ARHGAP42: variants seen among roughly 807,000 people sequenced by gnomAD.
ARHGAP42 encodes the protein Rho GTPase activating protein 42.
A neutral mutation model predicts 125.0 loss-of-function variants in ARHGAP42; 63 were observed. That is an observed-to-expected ratio of 0.50 (90% CI 0.41 to 0.62). The LOEUF (loss-of-function observed/expected upper bound fraction) is 0.62. Among genes scored for constraint, ARHGAP42 ranks in the 20% least tolerant of loss-of-function variants. The probability of loss-of-function intolerance (pLI) is 0.00; values close to 1 mark genes in which losing one functional copy is unlikely to be tolerated. For synonymous variants in ARHGAP42, 339 were observed against 351.0 expected (o/e 0.97, Z 0.38); for missense variants, 766 against 1,024.2 (o/e 0.75, Z 3.44).
chr11:100,840,062 A>G (rs1026919928), intron 3 of ARHGAP42: 2 of 152,204 alleles, frequency 1.3e-5, no homozygotes, highest in Non-Finnish European at 2.9e-5. Context: ...TTCAAATTAA[A>G]TCATATCTAG....
chr11:100,960,008 TCA>T (rs762380661), intron 13 of ARHGAP42, 63 bp downstream of exon 13: 29 of 1,371,396 alleles, frequency 2.1e-5, no homozygotes, highest in Non-Finnish European at 2.8e-5. Flanking sequence ...TGGAAAACTC[TCA>T]GAGTAGATAA....
At chr11:100,924,084 T>G (rs531661489) in intron 6 of ARHGAP42, among the ~76,000 whole-genome samples, 1 of 152,244 alleles carries the variant, frequency 6.6e-6, no homozygotes, top group East Asian at 1.9e-4. Flanking sequence ...AATCCAATTC[T>G]TGTTTGCATT....
chr11:100,918,437 C>A (rs1430853657), intron 5 of ARHGAP42, among the ~76,000 whole-genome samples: 1 of 152,112 alleles, frequency 6.6e-6, no homozygotes, highest in Admixed American at 6.5e-5. Flanking sequence ...TTCTTTAGGT[C>A]CCTTTTTGCC....
intron 1 of ARHGAP42, among the ~76,000 whole-genome samples, chr11:100,705,013 C>CAAAAAAAAAAA (rs1211966921): frequency 1.8e-5 from 1 of 54,776 alleles, no homozygotes; most frequent in African/African-American, 7.8e-5. Context: ...ACAACAACAA[C>CAAAAAAAAAAA]AAAAAAAAAA....
intron 3 of ARHGAP42, among the ~76,000 whole-genome samples, chr11:100,820,088 T>C (rs1042348344): frequency 2.0e-5 from 3 of 152,138 alleles, no homozygotes; most frequent in Non-Finnish European, 4.4e-5. Context: ...AATAAAGGCT[T>C]GGGTTTCATA....
chr11:100,882,070 G>C (rs1010632468), intron 4 of ARHGAP42, among the ~76,000 whole-genome samples: 40 of 152,126 alleles, frequency 2.6e-4, no homozygotes, highest in Non-Finnish European at 2.6e-4. Flanking sequence ...TTACTAATTT[G>C]GATGCCCTTT....
chr11:100,758,277 G>A (rs1214100844), intron 1 of ARHGAP42, among the ~76,000 whole-genome samples: 2 of 152,086 alleles, frequency 1.3e-5, no homozygotes, highest in African/African-American at 4.8e-5. Flanking sequence ...TTGGATCCGG[G>A]AATGTTTTTG....
intron 1 of ARHGAP42, among the ~76,000 whole-genome samples, chr11:100,691,515 A>G (rs1176463825): frequency 2.0e-5 from 3 of 152,114 alleles, no homozygotes; most frequent in Non-Finnish European, 4.4e-5. Flanking sequence ...TTGATAAGCA[A>G]GGAGATTTTT....
At chr11:100,848,373 A>G (rs1278135026) in intron 3 of ARHGAP42, among the ~76,000 whole-genome samples, 1 of 152,164 alleles carries the variant, frequency 6.6e-6, no homozygotes, top group Non-Finnish European at 1.5e-5. Context: ...TATCGACATT[A>G]TGTTTTGTTG....
chr11:100,912,796 G>T (rs1371192086), intron 4 of ARHGAP42, among the ~76,000 whole-genome samples: 1 of 152,110 alleles, frequency 6.6e-6, no homozygotes, highest in Non-Finnish European at 1.5e-5. Context: ...AGGAACAAAG[G>T]TCGGCTATTA....
intron 3 of ARHGAP42, among the ~76,000 whole-genome samples, chr11:100,795,713 T>C (rs931370594): frequency 6.6e-6 from 1 of 152,180 alleles, no homozygotes; most frequent in African/African-American, 2.4e-5. Flanking sequence ...CATTCAAAAA[T>C]ATGATTTTAT....
chr11:100,979,543 T>G (rs529891030), intron 22 of ARHGAP42, among the ~76,000 whole-genome samples: 1 of 152,266 alleles, frequency 6.6e-6, no homozygotes, highest in African/African-American at 2.4e-5. Context: ...CATTCCATTA[T>G]TAAAAGGATA....
intron 1 of ARHGAP42, among the ~76,000 whole-genome samples, chr11:100,723,586 C>T (rs1246178688): frequency 6.6e-6 from 1 of 151,754 alleles, no homozygotes; most frequent in African/African-American, 2.4e-5. Flanking sequence ...CTTTTCATTT[C>T]TGATATAGGA....
intron 3 of ARHGAP42, among the ~76,000 whole-genome samples, chr11:100,848,950 A>T (rs1865137326): frequency 6.6e-6 from 1 of 152,268 alleles, no homozygotes; most frequent in South Asian, 2.1e-4. Context: ...GAGAGTGTGA[A>T]TGTCTCAAAT....
chr11:100,842,934 A>G (rs988322224), intron 3 of ARHGAP42, among the ~76,000 whole-genome samples: 1 of 152,100 alleles, frequency 6.6e-6, no homozygotes, highest in African/African-American at 2.4e-5. Flanking sequence ...AAAAAAACCA[A>G]ACCCAAACCC....
chr11:100,921,082 C>T (rs1867229343), intron 5 of ARHGAP42, among the ~76,000 whole-genome samples: 1 of 150,774 alleles, frequency 6.6e-6, no homozygotes, highest in Non-Finnish European at 1.5e-5. Flanking sequence ...TTTGGCAATG[C>T]AGTCAGTTGT....
chr11:100,846,649 A>G (rs1344491941), intron 3 of ARHGAP42, among the ~76,000 whole-genome samples: 1 of 152,160 alleles, frequency 6.6e-6, no homozygotes, highest in Non-Finnish European at 1.5e-5. Context: ...AAAAATACTC[A>G]TAATCTGGAT....
At chr11:100,808,354 T>C (rs1335947816) in intron 3 of ARHGAP42, among the ~76,000 whole-genome samples, 3 of 152,170 alleles carry the variant, frequency 2.0e-5, no homozygotes, top group Non-Finnish European at 4.4e-5. Flanking sequence ...AACAAAAGCT[T>C]TTTAAAATTA....
intron 5 of ARHGAP42, among the ~76,000 whole-genome samples, chr11:100,920,901 T>C (rs1020054316): frequency 2.0e-5 from 3 of 152,092 alleles, no homozygotes; most frequent in Non-Finnish European, 4.4e-5. Flanking sequence ...TATTCTTAGA[T>C]GCTTCTCCCA....
Sources: allele counts gnomAD v4.1 joint callset (sites outside exome capture counted in the v4.1 genomes callset), GRCh38; gene constraint gnomAD v4.1.1; transcripts MANE v1.5; gene names NCBI Gene and HGNC (gene_info 2026-07-23, HGNC 2026-07-21).